PPP1R12B: variants seen among roughly 807,000 people sequenced by gnomAD.
PPP1R12B encodes the protein protein phosphatase 1 regulatory subunit 12B, also known as myosin phosphatase target subunit 2.
A neutral mutation model predicts 126.1 loss-of-function variants in PPP1R12B; 76 were observed. The observed-to-expected ratio is 0.60, with a 90% CI of 0.50 to 0.73. PPP1R12B has a LOEUF of 0.73. Ranked by LOEUF, PPP1R12B falls within the 30% of genes least tolerant of loss-of-function variation. The pLI, the probability that PPP1R12B is intolerant of heterozygous loss-of-function variation, is 0.00. For synonymous variants in PPP1R12B, 356 were observed against 434.7 expected (o/e 0.82, Z 2.25); for missense variants, 1,052 against 1,205.1 (o/e 0.87, Z 1.88).
At chr1:202,362,665 T>G (rs1417336539) in intron 1 of PPP1R12B, among the ~76,000 whole-genome samples, 4 of 151,754 alleles carry the variant, frequency 2.6e-5, no homozygotes, top group Admixed American at 6.6e-5. Flanking sequence ...TTTTGTTTTT[T>G]TTTTTTGTAA....
chr1:202,374,660 A>G (rs10753917), intron 1 of PPP1R12B, among the ~76,000 whole-genome samples: 65,883 of 151,036 alleles, frequency 0.44, 15,676 homozygotes, highest in East Asian at 0.7. Flanking sequence ...CGCCACGCCC[A>G]GCTAATTTTT....
At chr1:202,525,647 G>T (rs966902254) in intron 18 of PPP1R12B, among the ~76,000 whole-genome samples, 2 of 150,954 alleles carry the variant, frequency 1.3e-5, no homozygotes, top group African/African-American at 4.9e-5. Flanking sequence ...TTTCAGGAAG[G>T]GGGGTTAGCA....
At chr1:202,444,545 T>C (rs190156973) in intron 12 of PPP1R12B, among the ~76,000 whole-genome samples, 1 of 152,208 alleles carries the variant, frequency 6.6e-6, no homozygotes, top group African/African-American at 2.4e-5. Context: ...TTTCCACTTT[T>C]AAATTTTAAA....
chr1:202,357,523 T>A (rs1657334921), intron 1 of PPP1R12B, among the ~76,000 whole-genome samples: 3 of 152,230 alleles, frequency 2.0e-5, no homozygotes, highest in Admixed American at 2.0e-4. Context: ...CCAAAATATG[T>A]GGCAAGACAC....
intron 14 of PPP1R12B, among the ~76,000 whole-genome samples, chr1:202,490,571 C>T (rs1678724955): frequency 6.6e-6 from 1 of 152,110 alleles, no homozygotes; most frequent in South Asian, 2.1e-4. Context: ...TAACTATCAC[C>T]ACCATTCATC....
At chr1:202,537,216 T>A (rs1033597165) in intron 18 of PPP1R12B, among the ~76,000 whole-genome samples, 3 of 151,986 alleles carry the variant, frequency 2.0e-5, no homozygotes, top group Admixed American at 6.6e-5. Context: ...TAGCCCGGCA[T>A]GGTGGCAGGC....
At chr1:202,441,343 A>G (rs1671592115) in intron 11 of PPP1R12B, among the ~76,000 whole-genome samples, 1 of 152,048 alleles carries the variant, frequency 6.6e-6, no homozygotes, top group Non-Finnish European at 1.5e-5. Flanking sequence ...ATTTTCTTTA[A>G]TAGAAGCAGG....
At chr1:202,428,004 G>A (rs1442024424) in intron 5 of PPP1R12B, among the ~76,000 whole-genome samples, 3 of 149,948 alleles carry the variant, frequency 2.0e-5, no homozygotes, top group African/African-American at 7.4e-5. Context: ...GAGATGGGGG[G>A]TCTCACTGGT....
chr1:202,420,224 A>G (rs1252379164), intron 2 of PPP1R12B, among the ~76,000 whole-genome samples: 3 of 152,108 alleles, frequency 2.0e-5, no homozygotes, highest in Admixed American at 6.5e-5. Context: ...TTTCAGTCTG[A>G]TGGAATGGTT....
intron 1 of PPP1R12B, among the ~76,000 whole-genome samples, chr1:202,374,714 T>G (rs1660879814): frequency 6.6e-6 from 1 of 151,806 alleles, no homozygotes; most frequent in Non-Finnish European, 1.5e-5. Context: ...TTGCCCAGGC[T>G]GGCCTCGAAC....
intron 15 of PPP1R12B, among the ~76,000 whole-genome samples, chr1:202,494,980 C>G (rs1039481471): frequency 1.3e-5 from 2 of 151,950 alleles, no homozygotes; most frequent in African/African-American, 4.8e-5. Context: ...ATTCCAAGAT[C>G]AAAGGAATTT....
intron 18 of PPP1R12B, among the ~76,000 whole-genome samples, chr1:202,534,798 A>G (rs1278925450): frequency 6.6e-6 from 1 of 152,172 alleles, no homozygotes; most frequent in Non-Finnish European, 1.5e-5. Context: ...ATAGGTAGAG[A>G]TAAGTTTTTT....
At chr1:202,352,013 A>G (rs1374969954) in intron 1 of PPP1R12B, among the ~76,000 whole-genome samples, 1 of 152,232 alleles carries the variant, frequency 6.6e-6, no homozygotes, top group Non-Finnish European at 1.5e-5. Flanking sequence ...GAAGTATCTC[A>G]AAGGTTAGAC....
intron 1 of PPP1R12B, among the ~76,000 whole-genome samples, chr1:202,382,342 C>T (rs1662434916): frequency 6.6e-6 from 1 of 151,070 alleles, no homozygotes; most frequent in Non-Finnish European, 1.5e-5. Flanking sequence ...TTAATGGGTG[C>T]AGTACGCCAA....
intron 18 of PPP1R12B, among the ~76,000 whole-genome samples, chr1:202,520,739 A>T (rs1682689643): frequency 6.6e-6 from 1 of 152,228 alleles, no homozygotes; most frequent in African/African-American, 2.4e-5. Context: ...CTTCTAGGTC[A>T]GGGTGGCAGA....
At chr1:202,499,138 G>A (rs1429931845) in intron 18 of PPP1R12B, among the ~76,000 whole-genome samples, 2 of 151,952 alleles carry the variant, frequency 1.3e-5, no homozygotes, top group African/African-American at 2.4e-5. Context: ...ACCTTAAAAC[G>A]TTTCATCATT....
At chr1:202,402,760 AC>A (rs1260257571) in intron 1 of PPP1R12B, among the ~76,000 whole-genome samples, 1 of 152,166 alleles carries the variant, frequency 6.6e-6, no homozygotes, top group Non-Finnish European at 1.5e-5. Context: ...CAACTCAAAC[AC>A]CTACAGTGAG....
intron 13 of PPP1R12B, among the ~76,000 whole-genome samples, chr1:202,451,815 C>G (rs922854189): frequency 6.6e-5 from 10 of 151,486 alleles, no homozygotes; most frequent in African/African-American, 2.2e-4. Context: ...CCCCACCTCC[C>G]TCCCGGACGG....
intron 4 of PPP1R12B, among the ~76,000 whole-genome samples, 179 bp from the exon 5 acceptor site, chr1:202,426,861 A>G (rs1250094919): frequency 6.6e-6 from 1 of 152,204 alleles, no homozygotes; most frequent in Non-Finnish European, 1.5e-5. Flanking sequence ...AAGGTCATCT[A>G]TGATTGGTAC....
Sources: allele counts gnomAD v4.1 joint callset (sites outside exome capture counted in the v4.1 genomes callset), GRCh38; gene constraint gnomAD v4.1.1; transcripts MANE v1.5; gene names NCBI Gene and HGNC (gene_info 2026-07-23, HGNC 2026-07-21).